The following RAB39A variants were observed in gnomAD, a reference collection of about 807,000 sequenced individuals.
RAB39A encodes ras-related protein Rab-39A.
A neutral mutation model predicts 20.9 loss-of-function variants in RAB39A; 17 were observed. That is an observed-to-expected ratio of 0.81 (90% CI 0.56 to 1.22). The LOEUF is 1.22. Among genes scored for constraint, RAB39A ranks in the 50% most tolerant of loss-of-function variants. RAB39A has a pLI of 0.00. For synonymous variants in RAB39A, 99 were observed against 103.4 expected (o/e 0.96, Z 0.26); for missense variants, 234 against 270.5 (o/e 0.87, Z 0.95).
At chr11:107,947,700 T>C (rs1204722754) in intron 1 of RAB39A, among the ~76,000 whole-genome samples, 1 of 144,076 alleles carries the variant, frequency 6.9e-6, no homozygotes, top group Non-Finnish European at 1.5e-5. Flanking sequence ...ATAAAAAAGA[T>C]CGATCAGGAA....
At chr11:107,930,722 G>A (rs1406014974) in intron 1 of RAB39A, among the ~76,000 whole-genome samples, 1 of 151,924 alleles carries the variant, frequency 6.6e-6, no homozygotes, top group African/African-American at 2.4e-5. Flanking sequence ...TGGGCATGGT[G>A]GTGTGTGCCC....
In RAB39A at chr11:107,962,345, A is replaced by G; in HGVS notation, c.627A>G (p.Val209=). 1 of 1,603,786 alleles carries G rather than the reference A, an allele frequency of 6.2e-7. No homozygotes were observed. The highest frequency in any genetic ancestry group is 2.2e-5 in the East Asian group (1 of 44,586). ...PNTVHSSEEA[V]KPRKECFC ...CTGTGCATTCTTCTGAGGAAGCAGT[A>G]AAGCCCAGGAAAGAATGCTTCTGCT... Residue 209 remains valine (V), a synonymous_variant, in exon 2 of 2, where the codon GTA becomes GTG. Coordinates refer to ENST00000320578, the MANE Select transcript of RAB39A (RefSeq NM_017516.3).
rs547443833 is a variant in RAB39A, at chr11:107,936,870, G to GT, written c.227+8077dup. ...GAACCCAGAAGGTGGAGGTTGCAAG[G>GT]TTGCAGTGAGCCGAGATTGCGCCCC... On this transcript the variant is annotated intron_variant, in intron 1 of 1. Transcript: ENST00000320578. Among the ~76,000 whole-genome samples, 8 of 151,042 alleles carry GT rather than the reference G, an allele frequency of 5.3e-5. No individual in the cohort carries two copies. The South Asian group carries it at 1.7e-3, about 32-fold the overall frequency.
At chr11:107,947,929 T>A (rs1393540539) in intron 1 of RAB39A, among the ~76,000 whole-genome samples, 2 of 151,838 alleles carry the variant, frequency 1.3e-5, no homozygotes, top group Non-Finnish European at 2.9e-5. Context: ...TTACCTCATG[T>A]AGCTTTTTTT....
In RAB39A at chr11:107,962,499, T is replaced by C. The variant is rs1861509212; in HGVS notation, c.*127T>C. The C allele has an allele frequency of 1.1e-6, 1 of 887,346 alleles. No homozygotes were observed. The highest frequency in any genetic ancestry group is 1.7e-6 in the Non-Finnish European group (1 of 601,796). 55.0% of individuals were successfully genotyped at this position (887,346 alleles called of 1,614,324 possible). A position where few individuals can be genotyped will look rare whatever the true frequency, so the allele number is the denominator to read the frequency against. The stretch of plus-strand genomic sequence containing the variant: ...TTACAAACCCACACCAATACTATTT[T>C]ATAAGGTATTTGATTCAGAGCATGA... On this transcript the variant is annotated 3_prime_UTR_variant, in exon 2 of 2. Transcript: ENST00000320578.
At chr11:107,931,706 A>G (rs1861138780) in intron 1 of RAB39A, among the ~76,000 whole-genome samples, 1 of 152,156 alleles carries the variant, frequency 6.6e-6, no homozygotes, top group Non-Finnish European at 1.5e-5. Context: ...GGGAAATGTC[A>G]TGTTTGAAGG....
intron 1 of RAB39A, among the ~76,000 whole-genome samples, chr11:107,951,615 A>ATTTTTTTTTTT (rs4028253): frequency 1.9e-5 from 2 of 105,700 alleles, no homozygotes; most frequent in Non-Finnish European, 3.6e-5. Context: ...CCATTTTCAG[A>ATTTTTTTTTTT]TTTTTTTTTT....
intron 1 of RAB39A, among the ~76,000 whole-genome samples, chr11:107,946,398 G>A (rs1047244630): frequency 9.7e-4 from 12 of 12,388 alleles, no homozygotes; most frequent in East Asian, 2.3e-3. Flanking sequence ...GTGTATATAT[G>A]TGTGTGTGTG....
At chr11:107,956,540 G>A (rs1861438766) in intron 1 of RAB39A, among the ~76,000 whole-genome samples, 2 of 152,220 alleles carry the variant, frequency 1.3e-5, no homozygotes, top group South Asian at 4.1e-4. Flanking sequence ...GGAGTGATTA[G>A]TAAGAGGGTT....
intron 1 of RAB39A, among the ~76,000 whole-genome samples, chr11:107,951,373 G>A (rs1271082904): frequency 6.6e-6 from 1 of 152,162 alleles, no homozygotes; most frequent in African/African-American, 2.4e-5. Flanking sequence ...CAAGGCTAAT[G>A]CATTCATAGG....
intron 1 of RAB39A, among the ~76,000 whole-genome samples, chr11:107,951,016 AAATATG>A (rs146422007): frequency 2.0e-3 from 310 of 152,352 alleles, no homozygotes; most frequent in African/African-American, 6.9e-3. Flanking sequence ...TTCAAATGGG[AAATATG>A]ACCCATTACA....
intron 1 of RAB39A, among the ~76,000 whole-genome samples, chr11:107,945,314 T>C (rs1320136979): frequency 2.7e-5 from 2 of 72,968 alleles, no homozygotes; most frequent in East Asian, 3.9e-4. Context: ...AAACCCCGTC[T>C]CTACAAAAAA....
At chr11:107,960,975 C>G (rs568794723) in intron 1 of RAB39A, among the ~76,000 whole-genome samples, 1 of 152,082 alleles carries the variant, frequency 6.6e-6, no homozygotes, top group Non-Finnish European at 1.5e-5. Flanking sequence ...CTTCCTCAGG[C>G]CTAGAGAAGG....
At chr11:107,932,993 A>G (rs1469995198) in intron 1 of RAB39A, among the ~76,000 whole-genome samples, 3 of 152,130 alleles carry the variant, frequency 2.0e-5, no homozygotes, top group African/African-American at 7.2e-5. Flanking sequence ...TTAGTTTAGC[A>G]GTAAAGGAAA....
chr11:107,935,980 A>G (rs1269049272), intron 1 of RAB39A, among the ~76,000 whole-genome samples: 1 of 134,184 alleles, frequency 7.5e-6, no homozygotes, highest in Non-Finnish European at 1.5e-5. Flanking sequence ...ATCCTGGCTT[A>G]CTGCAACCTC....
intron 1 of RAB39A, among the ~76,000 whole-genome samples, chr11:107,939,382 A>G (rs888343448): frequency 7.3e-5 from 11 of 151,456 alleles, no homozygotes; most frequent in African/African-American, 2.4e-4. Context: ...CGAGGCGGGC[A>G]GATCACAAGG....
At chr11:107,930,568 C>T (rs146144649) in intron 1 of RAB39A, among the ~76,000 whole-genome samples, 54 of 152,246 alleles carry the variant, frequency 3.5e-4, no homozygotes, top group African/African-American at 1.3e-3. Context: ...TTAAAAGTAG[C>T]TCAACTTGGC....
chr11:107,946,424 GTGTGTGTGTGTGTATA>G (rs1241367694), intron 1 of RAB39A, among the ~76,000 whole-genome samples: 13 of 19,066 alleles, frequency 6.8e-4, no homozygotes, highest in Admixed American at 1.0e-3. Context: ...GTGTGTGTGT[GTGTGTGTGTGTGTATA>G]TATATATATA....
In RAB39A at chr11:107,928,604, C is replaced by A. The variant is rs753255420; in HGVS notation, c.36C>A (p.Ile12=). 1.1e-5 allele frequency: 17 copies of A among 1,589,854 alleles called. No individual in the cohort carries two copies. The Middle Eastern group carries it at 5.0e-4, about 47-fold the overall frequency. Residue 12 remains isoleucine (I), a synonymous_variant, in exon 1 of 2, where the codon ATC becomes ATA. Coordinates refer to ENST00000320578, the MANE Select transcript of RAB39A (RefSeq NM_017516.3). This position sits in a 1 kb window ranked among gnomAD's most constrained non-coding sequence, Gnocchi z 4.9. ...ETIWIYQFRL[I]VIGDSTVGKS... is the part of the protein sequence containing the mutation. ...TCTGGATCTACCAGTTCCGCCTCAT[C>A]GTGATCGGGGACTCCACCGTGGGCA...
Sources: gnomAD v4.1 joint callset for allele counts (sites outside exome capture counted in the v4.1 genomes callset) on GRCh38, gnomAD v4.1.1 for gene constraint, Gnocchi (gnomAD v3.1) non-coding constraint, MANE v1.5 for transcripts, NCBI Gene and HGNC (gene_info 2026-07-23, HGNC 2026-07-21) for gene names.